The following DTNB variants were observed in gnomAD, a reference collection of about 807,000 sequenced individuals.
DTNB encodes dystrobrevin beta, also known as DTN-B.
In DTNB, 63 loss-of-function variants were observed where a neutral mutation model predicts 90.7. The ratio of observed to expected loss-of-function variants is 0.69; its 90% confidence interval spans 0.57 to 0.86. The LOEUF (loss-of-function observed/expected upper bound fraction) is 0.86, where lower values mean the gene tolerates loss of function less well. Among genes scored for constraint, DTNB ranks in the 40% least tolerant of loss-of-function variants. The probability of loss-of-function intolerance (pLI) is 0.00; values close to 1 mark genes in which losing one functional copy is unlikely to be tolerated. For synonymous variants in DTNB, 277 were observed against 286.7 expected (o/e 0.97, Z 0.34); for missense variants, 744 against 807.1 (o/e 0.92, Z 0.95).
intron 18 of DTNB, 88 bp from the exon 19 acceptor site, chr2:25,383,977 G>T: frequency 6.2e-7 from 1 of 1,603,782 alleles, no homozygotes; most frequent in Non-Finnish European, 8.5e-7. Flanking sequence ...CTGAGGCTTG[G>T]GAGGAAACTC....
intron 8 of DTNB, among the ~76,000 whole-genome samples, chr2:25,539,380 C>T (rs2080621105): frequency 6.6e-6 from 1 of 152,202 alleles, no homozygotes; most frequent in Non-Finnish European, 1.5e-5. Context: ...TTAAACTTCA[C>T]ATTCTGGCCA....
At chr2:25,510,128 A>C (rs923971521) in intron 9 of DTNB, among the ~76,000 whole-genome samples, 62 of 152,060 alleles carry the variant, frequency 4.1e-4, no homozygotes, top group African/African-American at 1.5e-3. Context: ...GGCCTTACCA[A>C]GAATTTTTTT....
chr2:25,419,662 CA>C, intron 15 of DTNB, 127 bp from the exon 16 acceptor site: 1 of 1,252,488 alleles, frequency 8.0e-7, no homozygotes, highest in Non-Finnish European at 1.1e-6. Flanking sequence ...GCCAGGCCCA[CA>C]GGTGCTGAGA....
intron 16 of DTNB, among the ~76,000 whole-genome samples, chr2:25,408,318 A>G (rs1391892711): frequency 1.3e-5 from 2 of 151,722 alleles, no homozygotes; most frequent in Non-Finnish European, 2.9e-5. Flanking sequence ...TCCAAAAAAA[A>G]AAAGAGTTCG....
intron 6 of DTNB, among the ~76,000 whole-genome samples, chr2:25,582,447 T>C (rs1228332943): frequency 2.0e-5 from 3 of 151,994 alleles, no homozygotes; most frequent in Non-Finnish European, 2.9e-5. Context: ...AACTGCTTAA[T>C]GGGGAATAGA....
At chr2:25,486,794 CACA>C (rs1337863324) in intron 9 of DTNB, among the ~76,000 whole-genome samples, 1 of 152,094 alleles carries the variant, frequency 6.6e-6, no homozygotes, top group Non-Finnish European at 1.5e-5. Context: ...ACAGAATTGG[CACA>C]ACATTAGATT....
At chr2:25,448,861 A>G (rs1448704409) in intron 12 of DTNB, among the ~76,000 whole-genome samples, 1 of 151,818 alleles carries the variant, frequency 6.6e-6, no homozygotes, top group Non-Finnish European at 1.5e-5. Flanking sequence ...ATCTCAAAAA[A>G]AAAAAAAAAA....
chr2:25,490,069 A>G (rs1490072321), intron 9 of DTNB, among the ~76,000 whole-genome samples: 27 of 152,258 alleles, frequency 1.8e-4, no homozygotes, highest in Non-Finnish European at 3.7e-4. Flanking sequence ...TGAGCCCAGG[A>G]GTTCGAGACC....
chr2:25,577,006 T>C lies in DTNB; in HGVS notation c.710-2A>G. On this transcript the variant is annotated splice_acceptor_variant, in intron 7 of 20. Transcript: ENST00000406818. LOFTEE classifies it high-confidence loss of function. ...AGGAGCACTCCACGGGATGGAAGAC[T>C]TGTGGACAGGAGAGAAAAGGGGAGA... 2.5e-6 allele frequency: 4 copies of C among 1,601,376 alleles called. No homozygotes were observed. The highest frequency in any genetic ancestry group is 3.4e-6 in the Non-Finnish European group (4 of 1,173,460).
At chr2:25,667,239 AAC>A (rs991484506) in intron 1 of DTNB, among the ~76,000 whole-genome samples, 1 of 152,182 alleles carries the variant, frequency 6.6e-6, no homozygotes, top group African/African-American at 2.4e-5. Flanking sequence ...CTTTAATCCC[AAC>A]ACTTTGGGAG....
chr2:25,547,715 G>C (rs2082735388), intron 8 of DTNB, among the ~76,000 whole-genome samples: 1 of 152,106 alleles, frequency 6.6e-6, no homozygotes, highest in Admixed American at 6.5e-5. Context: ...TTGTACTCTG[G>C]AATGGTATAT....
chr2:25,478,341 G>A (rs575418171), intron 10 of DTNB, among the ~76,000 whole-genome samples: 6 of 152,310 alleles, frequency 3.9e-5, no homozygotes, highest in African/African-American at 4.8e-5. Flanking sequence ...GGAAAAGTGC[G>A]AGAGCGTCGG....
chr2:25,653,889 C>T (rs1229866691), intron 1 of DTNB, among the ~76,000 whole-genome samples: 1 of 152,146 alleles, frequency 6.6e-6, no homozygotes, highest in Admixed American at 6.5e-5. Context: ...CGTTCACCTG[C>T]TGTCTTAGAC....
chr2:25,467,977 T>G (rs907786733), intron 10 of DTNB, among the ~76,000 whole-genome samples: 10 of 152,094 alleles, frequency 6.6e-5, no homozygotes, highest in African/African-American at 2.4e-4. Context: ...GCACAAGCTG[T>G]AGTTTGCCAA....
intron 12 of DTNB, among the ~76,000 whole-genome samples, chr2:25,443,121 T>A (rs1210731228): frequency 6.6e-6 from 1 of 152,128 alleles, no homozygotes; most frequent in African/African-American, 2.4e-5. Flanking sequence ...ATGCAACTGT[T>A]AGGTTGAATG....
intron 16 of DTNB, among the ~76,000 whole-genome samples, chr2:25,401,155 T>C (rs1441690655): frequency 6.6e-6 from 1 of 152,168 alleles, no homozygotes; most frequent in Non-Finnish European, 1.5e-5. Context: ...TGCCTCAAAC[T>C]GCTGGCGGAA....
chr2:25,652,613 C>G lies in DTNB; in HGVS notation c.48G>C (p.Arg16Ser), dbSNP rs2081177195. Residue 16 changes from arginine to serine, a missense_variant, in exon 2 of 21, where the codon AGG (arginine) becomes AGC (serine). Coordinates refer to ENST00000406818, the MANE Select transcript of DTNB (RefSeq NM_021907.5). ...ACTCACGCATTTCTATGAACAGCTG[C>G]CTCTTCTCTGCCATGGTCTTCCGCT... ...GNKRKTMAEK[R>S]QLFIEMRAQN... 1 of 1,612,480 alleles carries G rather than the reference C, an allele frequency of 6.2e-7. No homozygotes were observed. The highest frequency in any genetic ancestry group is 1.7e-5 in the Admixed American group (1 of 59,896).
At chr2:25,573,049 C>A (rs576806669) in intron 8 of DTNB, among the ~76,000 whole-genome samples, 2 of 151,992 alleles carry the variant, frequency 1.3e-5, no homozygotes, top group African/African-American at 4.8e-5. Flanking sequence ...CAGGTTCAAG[C>A]GATTCTCCTG....
intron 8 of DTNB, among the ~76,000 whole-genome samples, chr2:25,549,007 C>T (rs888360807): frequency 3.3e-5 from 5 of 152,126 alleles, no homozygotes; most frequent in African/African-American, 2.4e-5. Context: ...AAGTCTCCCT[C>T]GGTCCATCCC....
Sources: allele counts gnomAD v4.1 joint callset (sites outside exome capture counted in the v4.1 genomes callset), GRCh38; gene constraint gnomAD v4.1.1; transcripts MANE v1.5; gene names NCBI Gene and HGNC (gene_info 2026-07-23, HGNC 2026-07-21).